Variants in FHIT observed in about 807,000 individuals in gnomAD.
The protein encoded by FHIT is bis(5'-adenosyl)-triphosphatase.
FHIT carries 19 observed loss-of-function variants against 17.9 expected under a neutral mutation model. The observed-to-expected ratio is 1.06, with a 90% confidence interval of 0.74 to 1.56. The LOEUF is 1.56. Among genes scored for constraint, FHIT ranks in the 40% most tolerant of loss-of-function variants. FHIT has a pLI of 0.00. For missense variants in FHIT, 248 were observed against 189.2 expected (o/e 1.31, Z -1.82); for synonymous variants, 81 against 69.7 (o/e 1.16, Z -0.81).
intron 3 of FHIT, among the ~76,000 whole-genome samples, chr3:60,900,446 G>GA (rs71092653): frequency 0.55 from 80,917 of 147,250 alleles, 22,739 homozygotes; most frequent in African/African-American, 0.67. Context: ...CAAAAGAAAA[G>GA]AAAAAAAAAA....
chr3:60,636,622 C>T (rs564888506), intron 4 of FHIT, among the ~76,000 whole-genome samples: 1 of 152,096 alleles, frequency 6.6e-6, no homozygotes, highest in African/African-American at 2.4e-5. Flanking sequence ...AAGAGGCTTT[C>T]CCCCGCTATG....
intron 2 of FHIT, among the ~76,000 whole-genome samples, chr3:61,063,964 T>G (rs9875984): frequency 6.6e-6 from 1 of 151,948 alleles, no homozygotes; most frequent in East Asian, 1.9e-4. Flanking sequence ...GAGGTGCTTT[T>G]CCAGCAGCCA....
intron 5 of FHIT, among the ~76,000 whole-genome samples, chr3:60,031,673 C>T (rs1701007820): frequency 6.6e-6 from 1 of 152,144 alleles, no homozygotes; most frequent in Admixed American, 6.5e-5. Context: ...GGACCCCCAC[C>T]ATTTTAAATC....
intron 7 of FHIT, among the ~76,000 whole-genome samples, chr3:60,010,918 G>A (rs1700112783): frequency 6.6e-6 from 1 of 152,036 alleles, no homozygotes; most frequent in African/African-American, 2.4e-5. Flanking sequence ...CAGAAAGGAA[G>A]GGAGGCAGCT....
chr3:61,023,134 C>T (rs2032543444), intron 3 of FHIT, among the ~76,000 whole-genome samples: 1 of 152,194 alleles, frequency 6.6e-6, no homozygotes, highest in African/African-American at 2.4e-5. Context: ...TGATAAGCAA[C>T]TTCAGCAAAG....
intron 7 of FHIT, among the ~76,000 whole-genome samples, chr3:59,968,307 A>G (rs1042948013): frequency 2.0e-5 from 3 of 152,096 alleles, no homozygotes; most frequent in Non-Finnish European, 4.4e-5. Flanking sequence ...TGAACTGTAG[A>G]TTTTTGATAA....
chr3:60,858,784 T>C (rs553265163), intron 3 of FHIT, among the ~76,000 whole-genome samples: 2 of 152,314 alleles, frequency 1.3e-5, no homozygotes, highest in African/African-American at 4.8e-5. Context: ...ATTGAGACCA[T>C]TTACAGTTTG....
At chr3:60,436,496 G>T (rs2030257424) in intron 5 of FHIT, among the ~76,000 whole-genome samples, 1 of 152,120 alleles carries the variant, frequency 6.6e-6, no homozygotes, top group African/African-American at 2.4e-5. Flanking sequence ...GAATAAAACA[G>T]ACCAACAGAA....
intron 4 of FHIT, among the ~76,000 whole-genome samples, chr3:60,601,394 A>G (rs2038442082): frequency 6.6e-6 from 1 of 152,190 alleles, no homozygotes; most frequent in Non-Finnish European, 1.5e-5. Context: ...TCCCCCTGTT[A>G]AATGATGTTG....
chr3:60,060,598 A>G (rs1178710573), intron 5 of FHIT, among the ~76,000 whole-genome samples: 2 of 152,214 alleles, frequency 1.3e-5, no homozygotes, highest in African/African-American at 4.8e-5. Flanking sequence ...AATAAGTTAC[A>G]TGAAAACTGT....
At chr3:60,552,691 C>G (rs1241890757) in intron 4 of FHIT, among the ~76,000 whole-genome samples, 1 of 152,210 alleles carries the variant, frequency 6.6e-6, no homozygotes, top group East Asian at 1.9e-4. Flanking sequence ...CATACCTACT[C>G]CCTCTTCTGC....
intron 4 of FHIT, among the ~76,000 whole-genome samples, chr3:60,729,385 T>C (rs1489423155): frequency 5.9e-5 from 9 of 152,204 alleles, no homozygotes; most frequent in South Asian, 2.1e-4. Context: ...AATGGTTGTA[T>C]GCGGCTTGTG....
At chr3:60,817,725 T>C (rs1310207106) in intron 4 of FHIT, among the ~76,000 whole-genome samples, 1 of 152,124 alleles carries the variant, frequency 6.6e-6, no homozygotes, top group African/African-American at 2.4e-5. Context: ...CACAGTTTTC[T>C]TCAAATGTAT....
intron 5 of FHIT, among the ~76,000 whole-genome samples, chr3:60,261,543 A>T (rs955611223): frequency 6.6e-6 from 1 of 152,064 alleles, no homozygotes; most frequent in East Asian, 1.9e-4. Flanking sequence ...AAGAAACAAT[A>T]AACTTCAAGA....
intron 5 of FHIT, among the ~76,000 whole-genome samples, chr3:60,356,680 C>A (rs1559848208): frequency 7.5e-6 from 1 of 133,340 alleles, no homozygotes; most frequent in South Asian, 2.5e-4. Flanking sequence ...TGATTTGAGA[C>A]TGACAAAAAT....
intron 4 of FHIT, among the ~76,000 whole-genome samples, chr3:60,718,736 G>T (rs1419277310): frequency 2.0e-5 from 3 of 152,142 alleles, no homozygotes; most frequent in Admixed American, 6.5e-5. Flanking sequence ...TTGGGAGAGA[G>T]AGAAAAGTTG....
At chr3:61,085,716 C>T (rs372445564) in intron 2 of FHIT, among the ~76,000 whole-genome samples, 9 of 152,036 alleles carry the variant, frequency 5.9e-5, no homozygotes, top group African/African-American at 1.9e-4. Context: ...GTCATAAAAC[C>T]TTTCCTGTAT....
chr3:60,625,905 GATA>G (rs2039272673), intron 4 of FHIT, among the ~76,000 whole-genome samples: 1 of 152,180 alleles, frequency 6.6e-6, no homozygotes, highest in Non-Finnish European at 1.5e-5. Flanking sequence ...TTCATTTTGA[GATA>G]ATCTTTGTAT....
chr3:60,505,054 T>C (rs1408156946), intron 5 of FHIT, among the ~76,000 whole-genome samples: 1 of 150,056 alleles, frequency 6.7e-6, no homozygotes, highest in Non-Finnish European at 1.5e-5. Flanking sequence ...GTCAGAACTA[T>C]TTTGGACATT....
Sources: gnomAD v4.1 joint callset for allele counts (sites outside exome capture counted in the v4.1 genomes callset) on GRCh38, gnomAD v4.1.1 for gene constraint, MANE v1.5 for transcripts, NCBI Gene and HGNC (gene_info 2026-07-23, HGNC 2026-07-21) for gene names.